Variants in HAO2 observed in about 807,000 individuals in gnomAD.
HAO2 encodes 2-Hydroxyacid oxidase 2.
A neutral mutation model predicts 37.4 loss-of-function variants in HAO2; 42 were observed. That is an observed-to-expected ratio of 1.12 (90% confidence interval 0.88 to 1.45). The LOEUF is 1.45. HAO2 is among the 40% of genes most tolerant of loss of function. HAO2 has a pLI of 0.00. For missense variants in HAO2, 476 were observed against 430.2 expected, an observed-to-expected ratio of 1.11 and a Z score of -0.94; for synonymous variants, 180 against 162.8, an observed-to-expected ratio of 1.11 and a Z score of -0.81.
intron 4 of HAO2, chr1:119,385,741 C>T (rs1650331520): frequency 3.0e-6 from 3 of 985,046 alleles, no homozygotes; most frequent in South Asian, 9.4e-5. Context: ...CTAAAGCCAG[C>T]CTTTTCAACC....
chr1:119,384,222 G>A (rs1027247728), intron 3 of HAO2, among the ~76,000 whole-genome samples: 1 of 152,164 alleles, frequency 6.6e-6, no homozygotes, highest in African/African-American at 2.4e-5. Context: ...GCCATAGCTA[G>A]TATCTTATTC....
rs199672779 is a variant in HAO2 at position 119,382,966 on chromosome 1, A to C, written c.183A>C (p.Arg61Ser). Residue 61 changes from arginine to serine, a missense_variant, in exon 3 of 8, where the codon AGA becomes AGC. Physicochemically the swap from Arg to Ser is moderately radical, Grantham distance 110 (BLOSUM62 -1). Coordinates refer to ENST00000325945, the MANE Select transcript of HAO2 (RefSeq NM_016527.4). ...GAGATGTGTCTGAGGTGGACACCAG[A>C]ACCACAATCCAAGGGGAGGAGATCA... ...YLRDVSEVDTRTTIQGEEISA... is the reference protein window; with the variant it reads ...YLRDVSEVDTSTTIQGEEISA... 78 of 1,613,420 alleles carry C rather than the reference A, an allele frequency of 4.8e-5. No individual in the cohort carries two copies. Among genetic ancestry groups the C allele is most frequent in the Non-Finnish European group, 1.0e-5 (12 of 1,179,564 alleles).
intron 1 of HAO2, 135 bp from the exon 2 acceptor site, chr1:119,380,943 C>T: frequency 1.2e-6 from 1 of 803,944 alleles, no homozygotes. Flanking sequence ...TTAGCAATAA[C>T]TCTGTTAAGA....
intron 4 of HAO2, 151 bp downstream of exon 4, chr1:119,385,204 G>C: frequency 7.0e-7 from 1 of 1,430,480 alleles, no homozygotes; most frequent in Non-Finnish European, 9.1e-7. Flanking sequence ...TCAAAAAGCA[G>C]ATATGGTTCC....
intron 4 of HAO2, 172 bp downstream of exon 4, chr1:119,385,225 A>G: frequency 1.0e-6 from 1 of 983,484 alleles, no homozygotes. Flanking sequence ...TGCTCCCTAG[A>G]GTTTCCAGAC....
At chr1:119,387,933 G>C (rs587664802) in intron 5 of HAO2, among the ~76,000 whole-genome samples, 210 of 152,300 alleles carry the variant, frequency 1.4e-3, no homozygotes, top group African/African-American at 4.9e-3. Flanking sequence ...GGAAGCCTAA[G>C]AGCCAGCCAC....
At chr1:119,392,492 C>T in intron 6 of HAO2, 126 bp from the exon 7 acceptor site, 1 of 777,322 alleles carries the variant, frequency 1.3e-6, no homozygotes, top group African/African-American at 1.7e-5. Context: ...CAAGGTAATT[C>T]TCACTTCACA....
chr1:119,385,297 A>G (rs1323453571), intron 4 of HAO2: 1 of 985,222 alleles, frequency 1.0e-6, no homozygotes, highest in Non-Finnish European at 1.2e-6. Flanking sequence ...TGTCACCAGA[A>G]GTGTTCTGGC....
At chr1:119,383,105 G>T in intron 3 of HAO2, 39 bp downstream of exon 3, 1 of 1,534,318 alleles carries the variant, frequency 6.5e-7, no homozygotes, top group East Asian at 2.3e-5. Flanking sequence ...TTTCCGGGAG[G>T]AGGTGTCCCT....
intron 1 of HAO2, 90 bp from the exon 2 acceptor site, chr1:119,380,988 A>G (rs1649879588): frequency 3.5e-6 from 4 of 1,133,576 alleles, no homozygotes; most frequent in African/African-American, 3.1e-5. Context: ...GAATCCAAAC[A>G]ATTTCATACT....
At position 119,389,137 on chromosome 1, in the gene HAO2, C is replaced by CATATATATATAT. The variant is rs59891150; in HGVS notation, c.771+2326_771+2337dup. 5.8e-3 allele frequency among the ~76,000 whole-genome samples: 19 copies of CATATATATATAT among 3,256 alleles called. 4 individuals are homozygous for CATATATATATAT. The highest frequency in any genetic ancestry group is 0.016 in the African/African-American group (11 of 698). 2.1% of individuals were successfully genotyped at this position (3,256 alleles called of 152,430 possible). On this transcript the variant is annotated intron_variant, in intron 5 of 7. Coordinates refer to ENST00000325945, the MANE Select transcript of HAO2 (RefSeq NM_016527.4). Reference sequence around the variant, plus strand: ...TTCTTATGGCTGAGTAGTATTTCATCATATATATATATATATATATATATA... The same window carrying CATATATATATAT: ...TTCTTATGGCTGAGTAGTATTTCATCATATATATATATATATATATATATATATATATATATA...
chr1:119,390,547 C>G (rs952864212), intron 5 of HAO2, among the ~76,000 whole-genome samples: 1 of 152,234 alleles, frequency 6.6e-6, no homozygotes, highest in Admixed American at 6.5e-5. Flanking sequence ...CTGTGCCCAG[C>G]TGGAATATTT....
At chr1:119,378,598 T>C (rs1649670354) in intron 1 of HAO2, among the ~76,000 whole-genome samples, 2 of 152,212 alleles carry the variant, frequency 1.3e-5, no homozygotes, top group East Asian at 1.9e-4. Flanking sequence ...ATAGTGTTTG[T>C]TATATATAAG....
rs3753259 is a variant in HAO2, at chr1:119,383,659, C to T, written c.283+593C>T. Among the ~76,000 whole-genome samples, 347 of 152,048 alleles carry T rather than the reference C, an allele frequency of 2.3e-3. 4 individuals are homozygous for T. The highest frequency in any genetic ancestry group is 0.022 in the East Asian group (113 of 5,166). ...CCACCACCACCACCACCACCACCAC[C>T]GCCAATAATAATAATAATAATAATA... On this transcript the variant is annotated intron_variant, in intron 3 of 7. Coordinates refer to ENST00000325945, the MANE Select transcript of HAO2 (RefSeq NM_016527.4).
intron 1 of HAO2, among the ~76,000 whole-genome samples, chr1:119,379,638 C>T (rs587647417): frequency 6.6e-6 from 1 of 152,270 alleles, no homozygotes; most frequent in Non-Finnish European, 1.5e-5. Context: ...TCAATGTTCT[C>T]TCCTCACTCA....
chr1:119,378,963 G>A (rs1649698281), intron 1 of HAO2, among the ~76,000 whole-genome samples: 1 of 152,136 alleles, frequency 6.6e-6, no homozygotes, highest in Non-Finnish European at 1.5e-5. Flanking sequence ...GGGGTCCCAG[G>A]TTTGGTTCTT....
intron 1 of HAO2, among the ~76,000 whole-genome samples, chr1:119,374,477 G>A (rs993348052): frequency 3.9e-5 from 6 of 152,196 alleles, no homozygotes; most frequent in East Asian, 1.9e-4. Context: ...AACTAGGCCC[G>A]TAAAATGTAG....
intron 5 of HAO2, among the ~76,000 whole-genome samples, chr1:119,389,984 T>A (rs1193398052): frequency 6.6e-6 from 1 of 152,178 alleles, no homozygotes; most frequent in Admixed American, 6.5e-5. Flanking sequence ...GAGATGATGA[T>A]CCAGTTTCAT....
Position 119,394,044 on chromosome 1 carries a change from T to C in HAO2, c.*204T>C. On this transcript the variant is annotated 3_prime_UTR_variant, in exon 8 of 8. Transcript: ENST00000325945. ...CCCAAATGTTCCATGCCCTTCTTTGTATCACTGACTATTATATGTTGCTCT... is the reference window on the plus strand; with the variant it reads ...CCCAAATGTTCCATGCCCTTCTTTGCATCACTGACTATTATATGTTGCTCT... The C allele has an allele frequency of 7.2e-7, 1 of 1,383,194 alleles. No homozygotes were observed. The highest frequency in any genetic ancestry group is 1.5e-5 in the African/African-American group (1 of 68,562). 85.7% of individuals were successfully genotyped at this position (1,383,194 alleles called of 1,614,324 possible).
Sources: gnomAD v4.1 joint callset for allele counts (sites outside exome capture counted in the v4.1 genomes callset) on GRCh38, gnomAD v4.1.1 for gene constraint, MANE v1.5 for transcripts, NCBI Gene and HGNC (gene_info 2026-07-23, HGNC 2026-07-21) for gene names.